RCAN2: variants seen among roughly 807,000 people sequenced by gnomAD.
RCAN2 encodes regulator of calcineurin 2, also known as calcipressin-2.
In RCAN2, 9 loss-of-function variants were observed where a neutral mutation model predicts 23.6. That is an observed-to-expected ratio of 0.38 (90% CI 0.23 to 0.67). RCAN2 has a LOEUF of 0.67. Ranked by LOEUF, RCAN2 falls within the 30% of genes least tolerant of loss-of-function variation. The pLI is 0.51. For synonymous variants in RCAN2, 109 were observed against 115.7 expected (o/e 0.94, Z 0.37); for missense variants, 273 against 302.3 (o/e 0.90, Z 0.72).
chr6:46,281,327 G>C (rs902495812), intron 2 of RCAN2, among the ~76,000 whole-genome samples: 4 of 152,244 alleles, frequency 2.6e-5, no homozygotes, highest in Non-Finnish European at 5.9e-5. Flanking sequence ...CAATTGGTCT[G>C]TGCATGAAAA....
chr6:46,290,786 C>G (rs532475376), intron 2 of RCAN2, among the ~76,000 whole-genome samples: 316 of 152,258 alleles, frequency 2.1e-3, no homozygotes, highest in African/African-American at 5.2e-3. Flanking sequence ...ATTATATTTC[C>G]TACAGTCAAC....
chr6:46,346,309 C>T (rs964483777), intron 2 of RCAN2, among the ~76,000 whole-genome samples: 1 of 151,994 alleles, frequency 6.6e-6, no homozygotes, highest in South Asian at 2.1e-4. Context: ...AATTATGCAA[C>T]AATTTTATAG....
In RCAN2 at chr6:46,331,895, G is replaced by A. The variant is rs145752911; in HGVS notation, c.226-82999C>T. Among the ~76,000 whole-genome samples, 23 of 152,176 alleles carry A rather than the reference G, an allele frequency of 1.5e-4. No individual in the cohort carries two copies. In the East Asian group the frequency reaches 4.0e-3, roughly 27 times the overall value. On this transcript the variant is annotated intron_variant, in intron 2 of 4. Coordinates refer to ENST00000371374, the MANE Select transcript of RCAN2 (RefSeq NM_001251974.2). ...CCTTTCTTTCACACCAGATATCTTC[G>A]TTCTTACCAGCAACATAATTGGCTA... is the stretch of plus-strand genomic sequence containing the variant.
intron 2 of RCAN2, among the ~76,000 whole-genome samples, chr6:46,403,326 A>G (rs1169114273): frequency 1.3e-5 from 2 of 151,994 alleles, no homozygotes; most frequent in African/African-American, 2.4e-5. Context: ...TAATCCCAGC[A>G]CTTTGAGAGG....
At chr6:46,314,102 C>T (rs935256310) in intron 2 of RCAN2, among the ~76,000 whole-genome samples, 7 of 151,954 alleles carry the variant, frequency 4.6e-5, no homozygotes, top group Admixed American at 1.3e-4. Context: ...TGACTGATGC[C>T]TGTAATCCCA....
At chr6:46,434,816 T>C (rs544426893) in intron 2 of RCAN2, among the ~76,000 whole-genome samples, 3 of 152,140 alleles carry the variant, frequency 2.0e-5, no homozygotes, top group Non-Finnish European at 4.4e-5. Flanking sequence ...GTATTCATGA[T>C]GGGGAATGGC....
At chr6:46,394,341 G>T (rs953887) in intron 2 of RCAN2, among the ~76,000 whole-genome samples, 62,051 of 152,054 alleles carry the variant, frequency 0.41, 15,621 homozygotes, top group East Asian at 0.59. Flanking sequence ...TTTGCACAAA[G>T]TAAGATGTGC....
Position 46,439,638 on chromosome 6 carries a change from G to A in RCAN2, c.225+17114C>T, listed in dbSNP as rs935295868. Among the ~76,000 whole-genome samples the A allele has an allele frequency of 3.3e-5, 5 of 152,302 alleles. No homozygotes were observed. In the South Asian group the frequency reaches 6.2e-4, roughly 19 times the overall value. ...TACTTAGATATGTAAACTCAGAGAT[G>A]TTTCTGGGGGAAAGACAACCCCACT... On this transcript the variant is annotated intron_variant, in intron 2 of 4. Transcript: ENST00000371374.
rs1322976863 is a variant in RCAN2, at chr6:46,491,311, C to G, written c.-141G>C. The G allele has an allele frequency of 6.6e-6, 1 of 151,134 alleles. No homozygotes were observed. The highest frequency in any genetic ancestry group is 1.5e-5 in the Non-Finnish European group (1 of 67,760). The allele number at this position is 151,134 out of a possible 1,614,324, so 9.4% of individuals were successfully genotyped here. A position where few individuals can be genotyped will look rare whatever the true frequency, so the allele number is the denominator to read the frequency against. On this transcript the variant is annotated 5_prime_UTR_variant, in exon 1 of 5. Transcript: ENST00000371374. Reference sequence around the variant, plus strand: ...GAGCGCGTGGGGGCGGCGCGGTGCCCGCGGGCCTTTGCGTGGGGCCGTACG... The same window carrying G: ...GAGCGCGTGGGGGCGGCGCGGTGCCGGCGGGCCTTTGCGTGGGGCCGTACG...
At chr6:46,292,698 A>G (rs1762607404) in intron 2 of RCAN2, among the ~76,000 whole-genome samples, 1 of 151,592 alleles carries the variant, frequency 6.6e-6, no homozygotes. Flanking sequence ...TTATCCATTG[A>G]TCCTGCCATT....
intron 1 of RCAN2, among the ~76,000 whole-genome samples, chr6:46,460,066 T>C (rs1244540544): frequency 6.6e-6 from 1 of 151,822 alleles, no homozygotes; most frequent in Non-Finnish European, 1.5e-5. Context: ...GTTTTTTTTT[T>C]CCACTTTTTC....
At chr6:46,257,764 C>G (rs1236859919) in intron 2 of RCAN2, among the ~76,000 whole-genome samples, 1 of 152,018 alleles carries the variant, frequency 6.6e-6, no homozygotes, top group Non-Finnish European at 1.5e-5. Flanking sequence ...ACCTAGAAAG[C>G]AACTGAAAGC....
intron 1 of RCAN2, among the ~76,000 whole-genome samples, chr6:46,490,039 G>A (rs1769097583): frequency 2.0e-5 from 3 of 152,178 alleles, no homozygotes; most frequent in Admixed American, 6.5e-5. Context: ...TGCAGAGGCC[G>A]GTTAGCAAGT....
intron 2 of RCAN2, among the ~76,000 whole-genome samples, chr6:46,360,178 GAT>G (rs1487876328): frequency 4.6e-5 from 7 of 152,156 alleles, no homozygotes; most frequent in African/African-American, 1.7e-4. Context: ...TGGTTATGCA[GAT>G]GCTGCTGGTC....
chr6:46,364,971 G>T (rs1444011757), intron 2 of RCAN2, among the ~76,000 whole-genome samples: 2 of 151,980 alleles, frequency 1.3e-5, no homozygotes, highest in African/African-American at 4.8e-5. Context: ...AACATAAATG[G>T]CTCCCTTTAT....
intron 1 of RCAN2, among the ~76,000 whole-genome samples, chr6:46,465,317 C>A (rs1768343244): frequency 6.6e-6 from 1 of 152,194 alleles, no homozygotes; most frequent in Non-Finnish European, 1.5e-5. Context: ...GGAGCACTCA[C>A]ACAAAGCAAA....
At chr6:46,423,124 GAC>G (rs1330141510) in intron 2 of RCAN2, among the ~76,000 whole-genome samples, 4 of 152,120 alleles carry the variant, frequency 2.6e-5, no homozygotes, top group Non-Finnish European at 5.9e-5. Context: ...ATTAGTATTA[GAC>G]CATCTGGATT....
intron 2 of RCAN2, among the ~76,000 whole-genome samples, chr6:46,389,940 C>T (rs942544071): frequency 6.6e-6 from 1 of 151,696 alleles, no homozygotes; most frequent in Non-Finnish European, 1.5e-5. Flanking sequence ...TTGCCAAACA[C>T]TCACCTCAGT....
chr6:46,258,698 T>C (rs1383141665), intron 2 of RCAN2, among the ~76,000 whole-genome samples: 1 of 152,194 alleles, frequency 6.6e-6, no homozygotes, highest in Non-Finnish European at 1.5e-5. Context: ...TCTTTCCCAG[T>C]AGCGGTCCTA....
Sources: gnomAD v4.1 joint callset for allele counts (sites outside exome capture counted in the v4.1 genomes callset) on GRCh38, gnomAD v4.1.1 for gene constraint, MANE v1.5 for transcripts, NCBI Gene and HGNC (gene_info 2026-07-23, HGNC 2026-07-21) for gene names.